Variants in HCN1 observed in about 807,000 individuals in gnomAD.
The protein encoded by HCN1 is hyperpolarization activated cyclic nucleotide gated potassium channel 1.
In HCN1, 13 loss-of-function variants were observed where a neutral mutation model predicts 78.9. The ratio of observed to expected loss-of-function variants is 0.16; its 90% confidence interval spans 0.11 to 0.26. The LOEUF (loss-of-function observed/expected upper bound fraction) is 0.26, where lower values mean the gene tolerates loss of function less well. Among genes scored for constraint, HCN1 ranks in the 10% least tolerant of loss-of-function variants. HCN1 has a pLI of 1.00. For synonymous variants in HCN1, 552 were observed against 455.5 expected, an observed-to-expected ratio of 1.21 and a Z score of -2.70; for missense variants, 810 against 1,154.3, an observed-to-expected ratio of 0.70 and a Z score of 4.32.
chr5:45,269,702 T>C (rs781009148), intron 6 of HCN1, among the ~76,000 whole-genome samples: 7 of 152,158 alleles, frequency 4.6e-5, no homozygotes, highest in Non-Finnish European at 7.4e-5. Context: ...ACCACTGACA[T>C]TTCCCCCCAC....
At chr5:45,321,735 C>T (rs184064660) in intron 5 of HCN1, among the ~76,000 whole-genome samples, 25 of 151,718 alleles carry the variant, frequency 1.6e-4, no homozygotes, top group African/African-American at 3.6e-4. Flanking sequence ...AATAGCAATA[C>T]GTTTACTGTT....
intron 6 of HCN1, among the ~76,000 whole-genome samples, chr5:45,287,032 C>A (rs1745282648): frequency 6.6e-6 from 1 of 151,134 alleles, no homozygotes. Flanking sequence ...TTGAAGTATG[C>A]TTAGAATTAT....
chr5:45,451,755 C>A (rs538073828), intron 3 of HCN1, among the ~76,000 whole-genome samples: 5 of 151,936 alleles, frequency 3.3e-5, no homozygotes, highest in African/African-American at 1.2e-4. Context: ...AGGCCAAAAA[C>A]ATAGTTTCTG....
chr5:45,455,654 T>A (rs1741014256), intron 3 of HCN1, among the ~76,000 whole-genome samples: 1 of 151,644 alleles, frequency 6.6e-6, no homozygotes, highest in Admixed American at 6.6e-5. Context: ...GATATGTATG[T>A]CTTTAAATTT....
intron 2 of HCN1, among the ~76,000 whole-genome samples, chr5:45,581,595 C>T (rs1744073901): frequency 6.6e-6 from 1 of 152,102 alleles, no homozygotes; most frequent in Non-Finnish European, 1.5e-5. Context: ...AGTCCTTGCC[C>T]ATGCCTATGT....
chr5:45,266,197 G>T (rs1255136194), intron 7 of HCN1, among the ~76,000 whole-genome samples: 1 of 152,010 alleles, frequency 6.6e-6, no homozygotes, highest in African/African-American at 2.4e-5. Context: ...AGGCCTAATG[G>T]TTGTATATAT....
At chr5:45,282,706 A>C (rs16902083) in intron 6 of HCN1, among the ~76,000 whole-genome samples, 23,464 of 152,172 alleles carry the variant, frequency 0.15, 2,113 homozygotes, top group Admixed American at 0.24. Flanking sequence ...AGTTCCAGCT[A>C]CGTGCTTCAT....
chr5:45,581,868 C>A (rs1282681374), intron 2 of HCN1, among the ~76,000 whole-genome samples: 1 of 152,098 alleles, frequency 6.6e-6, no homozygotes, highest in Non-Finnish European at 1.5e-5. Context: ...CTGTTCTGTT[C>A]CATTGGTCTA....
At chr5:45,366,816 A>G (rs1213946065) in intron 4 of HCN1, among the ~76,000 whole-genome samples, 1 of 151,804 alleles carries the variant, frequency 6.6e-6, no homozygotes, top group Non-Finnish European at 1.5e-5. Context: ...ATATTCCTTC[A>G]GTACAAATTA....
chr5:45,689,732 T>A (rs75356289), intron 1 of HCN1, among the ~76,000 whole-genome samples: 3 of 152,196 alleles, frequency 2.0e-5, no homozygotes, highest in Non-Finnish European at 4.4e-5. Flanking sequence ...TTGAAGCTCA[T>A]AGAAAGTTTG....
intron 2 of HCN1, among the ~76,000 whole-genome samples, chr5:45,497,764 C>T (rs992934875): frequency 3.9e-5 from 6 of 152,168 alleles, no homozygotes; most frequent in Non-Finnish European, 8.8e-5. Context: ...TTCAGGAGCT[C>T]TTTTAGGGCA....
Position 45,493,593 on chromosome 5 carries a change from AT to A in HCN1, c.850-31587del, listed in dbSNP as rs556013434. Among the ~76,000 whole-genome samples the A allele has an allele frequency of 3.3e-3, 492 of 148,944 alleles. 2 individuals are homozygous for A. The highest frequency in any genetic ancestry group is 0.013 in the South Asian group (61 of 4,676). Reference sequence around the variant, plus strand: ...TTGTGTTTCTTTTTTTTTAGCTTTTATTTTTTTTTATTTATTATTATTATAC... The same window carrying A: ...TTGTGTTTCTTTTTTTTTAGCTTTTATTTTTTTTATTTATTATTATTATAC... On this transcript the variant is annotated intron_variant, in intron 2 of 7. Transcript: ENST00000303230.
chr5:45,571,644 G>A (rs550392366), intron 2 of HCN1, among the ~76,000 whole-genome samples: 1 of 152,250 alleles, frequency 6.6e-6, no homozygotes, highest in South Asian at 2.1e-4. Flanking sequence ...GACAGACGCG[G>A]TGTCTCATGC....
intron 6 of HCN1, among the ~76,000 whole-genome samples, chr5:45,302,150 C>T (rs932863088): frequency 3.9e-5 from 6 of 152,016 alleles, no homozygotes; most frequent in African/African-American, 1.4e-4. Context: ...CTCTATGTCC[C>T]CCCAACAAAT....
intron 4 of HCN1, among the ~76,000 whole-genome samples, chr5:45,380,525 A>G (rs980907490): frequency 6.6e-6 from 1 of 152,140 alleles, no homozygotes; most frequent in Non-Finnish European, 1.5e-5. Context: ...AAAACTGCAG[A>G]GTTCTGGGTT....
At chr5:45,674,805 G>A (rs1489276073) in intron 1 of HCN1, among the ~76,000 whole-genome samples, 3 of 151,704 alleles carry the variant, frequency 2.0e-5, no homozygotes, top group Admixed American at 6.6e-5. Flanking sequence ...GCTGGGTGTA[G>A]TGGCTCACTC....
chr5:45,613,428 C>T (rs1196945205), intron 2 of HCN1, among the ~76,000 whole-genome samples: 2 of 152,050 alleles, frequency 1.3e-5, no homozygotes, highest in African/African-American at 4.8e-5. Flanking sequence ...CATCTCACAC[C>T]ACTTAGAATG....
At chr5:45,678,373 C>A (rs944672356) in intron 1 of HCN1, among the ~76,000 whole-genome samples, 2 of 151,908 alleles carry the variant, frequency 1.3e-5, no homozygotes, top group Non-Finnish European at 2.9e-5. Context: ...CTAATAACAA[C>A]TCTCCTAAAT....
At position 45,685,672 on chromosome 5, in the gene HCN1, A is replaced by G. The variant is rs192593996; in HGVS notation, c.425+9997T>C. ...GGTTGCGGTGAGCCAACATCGTGCC[A>G]TTGCACTCCAGCCTGGGCAAAAAGA... On this transcript the variant is annotated intron_variant, in intron 1 of 7. Transcript: ENST00000303230. 3.4e-4 allele frequency among the ~76,000 whole-genome samples: 51 copies of G among 152,190 alleles called. 1 individual carries two copies. The East Asian group carries it at 7.7e-3, about 23-fold the overall frequency.
Sources: allele counts gnomAD v4.1 joint callset (sites outside exome capture counted in the v4.1 genomes callset), GRCh38; gene constraint gnomAD v4.1.1; transcripts MANE v1.5; gene names NCBI Gene and HGNC (gene_info 2026-07-23, HGNC 2026-07-21).